CERCAM: variants seen among roughly 807,000 people sequenced by gnomAD.
The protein encoded by CERCAM is cerebral endothelial cell adhesion molecule, also known as inactive glycosyltransferase 25 family member 3.
In CERCAM, 59 loss-of-function variants were observed where a neutral mutation model predicts 66.0. The ratio of observed to expected loss-of-function variants is 0.89; its 90% CI spans 0.73 to 1.11. CERCAM has a LOEUF of 1.11. CERCAM is among the 50% of genes most tolerant of loss of function. The pLI, the probability that CERCAM is intolerant of heterozygous loss-of-function variation, is 0.00. For missense variants in CERCAM, 840 were observed against 828.3 expected (o/e 1.01, Z -0.17); for synonymous variants, 318 against 343.6 (o/e 0.93, Z 0.83).
intron 1 of CERCAM, chr9:128,421,489 A>G: frequency 3.0e-6 from 3 of 991,724 alleles, no homozygotes; most frequent in Non-Finnish European, 3.6e-6. Flanking sequence ...GGGATCGACC[A>G]CGCTGGAGGC....
chr9:128,424,577 C>A lies in CERCAM; in HGVS notation c.729C>A (p.Asp243Glu). ...ATCCCAACTACACTTGGCCTTTCGACGACATCATCGTCTTCGCCTATGCCT... is the reference window on the plus strand; with the variant it reads ...ATCCCAACTACACTTGGCCTTTCGAAGACATCATCGTCTTCGCCTATGCCT... ...PPHPNYTWPF[D>E]DIIVFAYACQ... Residue 243 changes from aspartate to glutamate, a missense_variant, in exon 5 of 13, where the codon GAC (aspartate) becomes GAA (glutamate). By Grantham distance (45) the Asp-to-Glu change is conservative. Transcript: ENST00000372838. The A allele has an allele frequency of 6.2e-7, 1 of 1,614,080 alleles. No homozygotes were observed. Among genetic ancestry groups the A allele is most frequent in the South Asian group, 1.1e-5 (1 of 91,076 alleles).
chr9:128,436,294 G>A (rs1481433716), intron 12 of CERCAM, among the ~76,000 whole-genome samples: 1 of 152,136 alleles, frequency 6.6e-6, no homozygotes, highest in Non-Finnish European at 1.5e-5. Context: ...AGGCTGGAGT[G>A]CAGTGGCATG....
rs1834060021 is a variant in CERCAM, at chr9:128,434,482, T to C, written c.1404T>C (p.Ala468=). The C allele has an allele frequency of 3.7e-6, 6 of 1,613,790 alleles. No homozygotes were observed. Among genetic ancestry groups the C allele is most frequent in the Non-Finnish European group, 4.2e-6 (5 of 1,179,996 alleles). ...AGGGGCTGCCGGGCCTGGTGGTGGC[T>C]GGGTACTCCTACTGGACGCTGGCCT... The part of the protein sequence containing the change: ...AVEGLPGLVV[A]GYSYWTLAYA... The change falls in exon 11 of 13, where the codon GCT becomes GCC. Residue 468 remains alanine, a synonymous_variant. Coordinates refer to ENST00000372838, the MANE Select transcript of CERCAM (RefSeq NM_016174.5). The surrounding 1 kb of genome is among the most constrained non-coding windows in gnomAD (Gnocchi z 4.5).
chr9:128,433,545 T>C (rs7040513), intron 9 of CERCAM, among the ~76,000 whole-genome samples: 50,547 of 151,954 alleles, frequency 0.33, 11,559 homozygotes, highest in African/African-American at 0.64. Context: ...CCATGGCTGC[T>C]TTGGCCTCCA....
In CERCAM at chr9:128,434,067, C is replaced by T. The variant is rs766217072; in HGVS notation, c.1204-35C>T. On this transcript the variant is annotated intron_variant, in intron 9 of 12. Transcript: ENST00000372838. The surrounding 1 kb of genome is among the most constrained non-coding windows in gnomAD (Gnocchi z 4.5). Reference sequence around the variant, plus strand: ...TGGAGGGAGGGGGGTTGTTTAACTCCGAAGAGCCATCTCCCACCCCATTGT... The same window carrying T: ...TGGAGGGAGGGGGGTTGTTTAACTCTGAAGAGCCATCTCCCACCCCATTGT... 22 of 1,610,866 alleles carry T rather than the reference C, an allele frequency of 1.4e-5. No individual in the cohort carries two copies. Among genetic ancestry groups the T allele is most frequent in the Middle Eastern group, 1.7e-4 (1 of 6,034 alleles).
At position 128,425,012 on chromosome 9, in the gene CERCAM, C is replaced by CA. The variant is rs35215724; in HGVS notation, c.766+398_766+399insA. 5.3e-5 allele frequency among the ~76,000 whole-genome samples: 8 copies of CA among 150,206 alleles called. No individual in the cohort carries two copies. The East Asian group carries it at 7.9e-4, about 15-fold the overall frequency. The stretch of plus-strand genomic sequence containing the variant: ...TACTGGCATTACAGGTGTGAGCCAC[C>CA]CGCCCAGCCAGTGGTTACTTTTAAG... On this transcript the variant is annotated intron_variant, in intron 5 of 12. Coordinates refer to ENST00000372838, the MANE Select transcript of CERCAM (RefSeq NM_016174.5).
chr9:128,429,022 C>T lies in CERCAM; in HGVS notation c.1056C>T (p.Asp352=), dbSNP rs140221871. The T allele has an allele frequency of 4.9e-5, 79 of 1,606,626 alleles. No homozygotes were observed. Among genetic ancestry groups the T allele is most frequent in the African/African-American group, 1.1e-4 (8 of 74,848 alleles). The change falls in exon 8 of 13, where the codon GAC becomes GAT. Residue 352 remains aspartate, a synonymous_variant. Transcript: ENST00000372838. ...TGGAGATCTCTGGGAGGGTGGTGGA[C>T]GCTGTGGATGGCTGGTGAGCCTGCC... ...WEMEISGRVV[D]AVDGWMLNSS...
At chr9:128,425,810 C>T (rs1276487927) in intron 5 of CERCAM, among the ~76,000 whole-genome samples, 1 of 149,790 alleles carries the variant, frequency 6.7e-6, no homozygotes, top group Admixed American at 6.7e-5. Context: ...TGAGCCCAGC[C>T]CAGCCTTTTT....
intron 3 of CERCAM, 23 bp downstream of exon 3, chr9:128,423,286 G>T (rs376104878): frequency 3.8e-6 from 6 of 1,594,234 alleles, no homozygotes; most frequent in Non-Finnish European, 5.2e-6. Context: ...GGCTAGAATC[G>T]GGCTTCTGAA....
intron 1 of CERCAM, chr9:128,421,759 G>A: frequency 6.5e-6 from 1 of 154,184 alleles, no homozygotes; most frequent in Non-Finnish European, 1.4e-5. Flanking sequence ...CCTGGCTGAG[G>A]TTGGGGGTAA....
In CERCAM at chr9:128,434,636, GC is replaced by G; in HGVS notation, c.1535+24del. On this transcript the variant is annotated intron_variant, in intron 11 of 12. Transcript: ENST00000372838. The surrounding 1 kb of genome is among the most constrained non-coding windows in gnomAD (Gnocchi z 4.5). ...CAAGTGAGGCTCTGATGGGGGCCGGGCATGGCAGGGCAGAGGCGTCCCCTCC... is the reference window on the plus strand; with the variant it reads ...CAAGTGAGGCTCTGATGGGGGCCGGGATGGCAGGGCAGAGGCGTCCCCTCC... 2 of 1,594,952 alleles carry G rather than the reference GC, an allele frequency of 1.3e-6. No individual in the cohort carries two copies. The highest frequency in any genetic ancestry group is 1.7e-6 in the Non-Finnish European group (2 of 1,173,608).
chr9:128,424,302 C>T (rs2286813), intron 4 of CERCAM, 30 bp downstream of exon 4: 344,585 of 1,612,720 alleles, frequency 0.21, 46,839 homozygotes, highest in African/African-American at 0.66. Context: ...CTTGGGTGGA[C>T]TGAGGTCCTG....
At chr9:128,426,012 C>A (rs1385979880) in intron 5 of CERCAM, among the ~76,000 whole-genome samples, 1 of 151,582 alleles carries the variant, frequency 6.6e-6, no homozygotes, top group Non-Finnish European at 1.5e-5. Context: ...GCCGTGTTGC[C>A]CAGGCTGGTC....
chr9:128,431,145 C>T (rs1306889780), intron 8 of CERCAM, 26 bp from the exon 9 acceptor site: 2 of 1,610,178 alleles, frequency 1.2e-6, no homozygotes, highest in Non-Finnish European at 8.5e-7. Flanking sequence ...AGGCACCCCT[C>T]ACCCCGCCAC....
At chr9:128,421,569 C>A in intron 1 of CERCAM, 2 of 967,578 alleles carry the variant, frequency 2.1e-6, no homozygotes, top group Non-Finnish European at 2.5e-6. Flanking sequence ...GACCGGCCCC[C>A]CCACCGCCCC....
At chr9:128,432,821 A>C (rs1834005965) in intron 9 of CERCAM, among the ~76,000 whole-genome samples, 6 of 142,834 alleles carry the variant, frequency 4.2e-5, no homozygotes, top group African/African-American at 5.1e-5. Context: ...GGGTCTTCCC[A>C]CCCCCCACCC....
intron 9 of CERCAM, 133 bp from the exon 10 acceptor site, chr9:128,433,969 C>T (rs1209963620): frequency 1.6e-6 from 2 of 1,247,876 alleles, no homozygotes; most frequent in Non-Finnish European, 2.2e-6. Flanking sequence ...AGTGGGGCCC[C>T]CAGCAGGCTT....
upstream of CERCAM, chr9:128,419,313 C>T (rs1383171382): frequency 6.6e-6 from 1 of 152,322 alleles, no homozygotes; most frequent in Non-Finnish European, 1.5e-5. Context: ...TCAGCCCTCC[C>T]CTTGCAGTGG....
intron 3 of CERCAM, among the ~76,000 whole-genome samples, chr9:128,423,766 C>A (rs1833770813): frequency 6.6e-6 from 1 of 152,130 alleles, no homozygotes; most frequent in Admixed American, 6.5e-5. Flanking sequence ...TAAGCCTGGA[C>A]CCCTCAGATA....
Sources: gnomAD v4.1 joint callset for allele counts (sites outside exome capture counted in the v4.1 genomes callset) on GRCh38, gnomAD v4.1.1 for gene constraint, Gnocchi (gnomAD v3.1) non-coding constraint, MANE v1.5 for transcripts, NCBI Gene and HGNC (gene_info 2026-07-23, HGNC 2026-07-21) for gene names.